The following SCLT1 variants were observed in gnomAD, a reference collection of about 807,000 sequenced individuals.
SCLT1 encodes sodium channel and clathrin linker 1, also known as sodium channel-associated protein 1.
A neutral mutation model predicts 112.8 loss-of-function variants in SCLT1; 78 were observed. That is an observed-to-expected ratio of 0.69 (90% CI 0.58 to 0.83). The LOEUF (loss-of-function observed/expected upper bound fraction) is 0.83. Among genes scored for constraint, SCLT1 ranks in the 40% least tolerant of loss-of-function variants. The probability of loss-of-function intolerance (pLI) is 0.00; values close to 1 mark genes in which losing one functional copy is unlikely to be tolerated. For synonymous variants in SCLT1, 257 were observed against 254.7 expected (o/e 1.01, Z -0.09); for missense variants, 747 against 770.4 (o/e 0.97, Z 0.36).
rs553558643 is a variant in SCLT1 at position 128,923,967 on chromosome 4, C to A, written c.1829+12688G>T. 2.0e-5 allele frequency among the ~76,000 whole-genome samples: 3 copies of A among 151,982 alleles called. No individual in the cohort carries two copies. In the South Asian group the frequency reaches 6.2e-4, roughly 32 times the overall value. ...GGGACTTTAGGCATGCACTGCCATG[C>A]CTGGTTAATTTTATTATTTTTTATT... On this transcript the variant is annotated intron_variant, in intron 18 of 20. Transcript: ENST00000281142.
At chr4:129,033,171 A>C (rs2126148272) in intron 5 of SCLT1, among the ~76,000 whole-genome samples, 1 of 152,264 alleles carries the variant, frequency 6.6e-6, no homozygotes, top group South Asian at 2.1e-4. Context: ...ATAAAAAAGA[A>C]TGAGTTCATG....
At chr4:128,885,480 C>T (rs1732823917) in intron 20 of SCLT1, among the ~76,000 whole-genome samples, 1 of 152,146 alleles carries the variant, frequency 6.6e-6, no homozygotes, top group South Asian at 2.1e-4. Context: ...AAATAATCTA[C>T]CTTAGAAATA....
At chr4:129,014,646 T>C (rs1744834247) in intron 5 of SCLT1, among the ~76,000 whole-genome samples, 1 of 152,216 alleles carries the variant, frequency 6.6e-6, no homozygotes. Context: ...GCCCTGACAT[T>C]GTTCTCTCAC....
chr4:128,895,684 C>T (rs923829894), intron 18 of SCLT1, among the ~76,000 whole-genome samples: 7 of 152,020 alleles, frequency 4.6e-5, no homozygotes, highest in Non-Finnish European at 2.9e-5. Flanking sequence ...TGTCAGAAAG[C>T]GGGTGCAGGA....
At chr4:128,987,752 G>C (rs1037361323) in intron 9 of SCLT1, among the ~76,000 whole-genome samples, 16 of 152,136 alleles carry the variant, frequency 1.1e-4, no homozygotes, top group Non-Finnish European at 2.9e-5. Flanking sequence ...TAAGAGAGAT[G>C]AGAGTAGAAA....
chr4:128,877,228 C>T (rs773586385), intron 3 of SCLT1, among the ~76,000 whole-genome samples: 3 of 152,154 alleles, frequency 2.0e-5, no homozygotes, highest in South Asian at 2.1e-4. Flanking sequence ...ATCCTTATAA[C>T]GTGAAGTAGG....
intron 18 of SCLT1, among the ~76,000 whole-genome samples, chr4:128,893,821 G>A (rs781565418): frequency 9.9e-5 from 15 of 152,204 alleles, no homozygotes; most frequent in African/African-American, 2.4e-4. Context: ...GATTACAGGC[G>A]TGAGCCACTG....
intron 18 of SCLT1, among the ~76,000 whole-genome samples, chr4:128,920,979 T>A (rs547344044): frequency 6.6e-6 from 1 of 152,296 alleles, no homozygotes; most frequent in Middle Eastern, 3.4e-3. Context: ...AAAATTAATG[T>A]ACCAAAATCC....
intron 18 of SCLT1, among the ~76,000 whole-genome samples, chr4:128,914,334 A>G (rs975806970): frequency 1.3e-5 from 2 of 152,070 alleles, no homozygotes; most frequent in African/African-American, 2.4e-5. Context: ...ACTACACTCC[A>G]GCCTGGGCGA....
At chr4:129,032,066 A>C (rs1487087030) in intron 5 of SCLT1, among the ~76,000 whole-genome samples, 1 of 152,180 alleles carries the variant, frequency 6.6e-6, no homozygotes, top group Admixed American at 6.6e-5. Flanking sequence ...CAAAAAGATC[A>C]TGCCACCTGA....
chr4:128,898,555 C>T (rs1293065426), intron 18 of SCLT1, among the ~76,000 whole-genome samples: 1 of 151,904 alleles, frequency 6.6e-6, no homozygotes, highest in Non-Finnish European at 1.5e-5. Context: ...GCACTAAATG[C>T]CCACAAGAGA....
intron 10 of SCLT1, among the ~76,000 whole-genome samples, chr4:128,967,304 G>A (rs1327675645): frequency 1.3e-5 from 2 of 152,134 alleles, no homozygotes; most frequent in Non-Finnish European, 2.9e-5. Flanking sequence ...TGTGAATAGT[G>A]CTGTGATGAA....
intron 18 of SCLT1, among the ~76,000 whole-genome samples, chr4:128,905,592 G>C (rs943862317): frequency 3.3e-5 from 5 of 151,876 alleles, no homozygotes; most frequent in African/African-American, 9.7e-5. Flanking sequence ...ATCTCATTTA[G>C]AATAGCCCAC....
intron 1 of SCLT1, among the ~76,000 whole-genome samples, chr4:129,090,304 G>T (rs1752725180): frequency 6.6e-6 from 1 of 152,142 alleles, no homozygotes; most frequent in African/African-American, 2.4e-5. Flanking sequence ...CAGTGGAAAA[G>T]AATAGAGTTC....
chr4:128,884,334 T>C lies in SCLT1; in HGVS notation c.*143A>G. On this transcript the variant is annotated 3_prime_UTR_variant, in exon 21 of 21. Coordinates refer to ENST00000281142, the MANE Select transcript of SCLT1 (RefSeq NM_144643.4). ...AAGTGGTCACTGCTCTGTTTTCCAA[T>C]AACCCTCAAAACAGAACAACAATGC... The C allele has an allele frequency of 3.6e-6, 2 of 553,372 alleles. No homozygotes were observed. Among genetic ancestry groups the C allele is most frequent in the East Asian group, 2.9e-5 (1 of 34,112 alleles). 34.3% of individuals were successfully genotyped at this position (553,372 alleles called of 1,614,324 possible). A position where few individuals can be genotyped will look rare whatever the true frequency, so the allele number is the denominator to read the frequency against.
At chr4:128,883,835 C>A (rs1732709935), downstream of SCLT1, among the ~76,000 whole-genome samples, 1 of 152,158 alleles carries the variant, frequency 6.6e-6, no homozygotes, top group Non-Finnish European at 1.5e-5. Context: ...CAATGCCATG[C>A]AGTCTTAGCA....
At chr4:128,933,833 T>A (rs1736971893) in intron 18 of SCLT1, among the ~76,000 whole-genome samples, 1 of 152,088 alleles carries the variant, frequency 6.6e-6, no homozygotes, top group Non-Finnish European at 1.5e-5. Context: ...AACTGCCTTA[T>A]CCTATAATTA....
intron 5 of SCLT1, among the ~76,000 whole-genome samples, chr4:129,029,666 T>C (rs1746511939): frequency 6.7e-6 from 1 of 149,214 alleles, no homozygotes; most frequent in South Asian, 2.1e-4. Flanking sequence ...ACCCTAAAAC[T>C]TAAAAGTATA....
At chr4:128,946,865 T>C (rs932004077) in intron 15 of SCLT1, among the ~76,000 whole-genome samples, 8 of 152,306 alleles carry the variant, frequency 5.3e-5, no homozygotes, top group African/African-American at 1.9e-4. Context: ...CAGTGGTGGT[T>C]GTACCTAAGC....
Sources: allele counts gnomAD v4.1 joint callset (sites outside exome capture counted in the v4.1 genomes callset), GRCh38; gene constraint gnomAD v4.1.1; transcripts MANE v1.5; gene names NCBI Gene and HGNC (gene_info 2026-07-23, HGNC 2026-07-21).